The following NEK1 variants were observed in gnomAD, a reference collection of about 807,000 sequenced individuals.
NEK1 encodes NIMA related kinase 1.
A neutral mutation model predicts 182.1 loss-of-function variants in NEK1; 137 were observed. That is an observed-to-expected ratio of 0.75 (90% confidence interval 0.65 to 0.87). The LOEUF (loss-of-function observed/expected upper bound fraction) is 0.87, where lower values mean the gene tolerates loss of function less well. Among genes scored for constraint, NEK1 ranks in the 40% least tolerant of loss-of-function variants. The pLI, the probability that NEK1 is intolerant of heterozygous loss-of-function variation, is 0.00. For missense variants in NEK1, 1,391 were observed against 1,494.4 expected (o/e 0.93, Z 1.14); for synonymous variants, 513 against 492.2 (o/e 1.04, Z -0.56).
At chr4:169,452,464 C>A (rs1741999759) in intron 27 of NEK1, among the ~76,000 whole-genome samples, 1 of 152,182 alleles carries the variant, frequency 6.6e-6, no homozygotes, top group African/African-American at 2.4e-5. Context: ...GCTTATCCAC[C>A]ATGATCAAGT....
chr4:169,446,640 GGAAACTCAAT>G (rs1231984255), intron 27 of NEK1, among the ~76,000 whole-genome samples: 2 of 151,968 alleles, frequency 1.3e-5, no homozygotes, highest in African/African-American at 4.8e-5. Context: ...GCTGTTTTAA[GGAAACTCAAT>G]GAAATTCAAA....
rs371901834 is a variant in NEK1 at position 169,406,683 on chromosome 4, G to C, written c.3287C>G (p.Thr1096Ser). The stretch of plus-strand genomic sequence containing the variant: ...ATTGTCTTGACGAACATCTCCTACG[G>C]TGGGAACATCCATAAGGGTTCTGAA... ...KLFRTLMDVP[T>S]VGDVRQDNLE... Residue 1096 changes from threonine to serine, a missense_variant, in exon 32 of 36, where the codon ACC becomes AGC. By Grantham distance (58) the Thr-to-Ser change is moderately conservative. This residue lies in a region of NEK1 where 1,216 missense variants were observed against 1,277.6 expected (regional missense o/e 0.95). Coordinates refer to ENST00000507142, the MANE Select transcript of NEK1 (RefSeq NM_001199397.3). The C allele has an allele frequency of 2.5e-6, 4 of 1,609,638 alleles. No homozygotes were observed. Among genetic ancestry groups the C allele is most frequent in the Non-Finnish European group, 3.4e-6 (4 of 1,177,540 alleles).
chr4:169,597,942 T>C (rs528667209), intron 5 of NEK1, among the ~76,000 whole-genome samples: 2 of 151,386 alleles, frequency 1.3e-5, no homozygotes, highest in Non-Finnish European at 2.9e-5. Context: ...TCAAAAAAAA[T>C]AATAAAAATA....
In NEK1 at chr4:169,424,622, T is replaced by C; in HGVS notation, c.3153A>G (p.Pro1051=). Residue 1051 remains proline (P), a synonymous_variant, in exon 31 of 36, where the codon CCA becomes CCG. Coordinates refer to ENST00000507142, the MANE Select transcript of NEK1 (RefSeq NM_001199397.3). ...GCAAGGAATTCTTGTTTTTATTTTT[T>C]GGTGGTAAATGCGAGTGAGATCGAA... is the stretch of plus-strand genomic sequence containing the variant. The part of the protein sequence containing the change: ...FAFRSHSHLP[P]KNKNKNSLLI... 6.2e-7 allele frequency: 1 copy of C among 1,613,208 alleles called. No individual in the cohort carries two copies. Among genetic ancestry groups the C allele is most frequent in the Non-Finnish European group, 8.5e-7 (1 of 1,179,346 alleles).
chr4:169,577,032 G>A lies in NEK1; in HGVS notation c.916C>T (p.Gln306Ter), dbSNP rs1274952170. ...GQNSISVMPA[Q>*]KITKPAAKYG... Reference sequence around the variant, plus strand: ...TTAGCGGCAGGCTTTGTAATTTTCTGAGCAGGCATAACAGAAATCGAGTTT... The same window carrying A: ...TTAGCGGCAGGCTTTGTAATTTTCTAAGCAGGCATAACAGAAATCGAGTTT... The change falls in exon 12 of 36, where the codon CAG (glutamine) becomes TAG (stop). Residue 306 changes from glutamine (Q) to a stop codon, truncating the protein, a stop_gained. Transcript: ENST00000507142. LOFTEE classifies it high-confidence loss of function. 3 of 1,613,512 alleles carry A rather than the reference G, an allele frequency of 1.9e-6. No individual in the cohort carries two copies. The highest frequency in any genetic ancestry group is 1.1e-5 in the South Asian group (1 of 91,060).
Position 169,555,580 on chromosome 4 carries a change from G to C in NEK1, c.1562+140C>G, listed in dbSNP as rs1438029261. Reference sequence around the variant, plus strand: ...AATCAAGGGCCAAATTTGCACCTCAGAAAATTATTGTACCCAAGAGGCAAA... The same window carrying C: ...AATCAAGGGCCAAATTTGCACCTCACAAAATTATTGTACCCAAGAGGCAAA... On this transcript the variant is annotated intron_variant, in intron 18 of 35. Transcript: ENST00000507142. 2.7e-6 allele frequency: 3 copies of C among 1,115,406 alleles called. No individual in the cohort carries two copies. The African/African-American group carries it at 4.6e-5, about 17-fold the overall frequency. The allele number at this position is 1,115,406 out of a possible 1,614,324, so 69.1% of individuals were successfully genotyped here. A position where few individuals can be genotyped will look rare whatever the true frequency, so the allele number is the denominator to read the frequency against.
rs77826410 is a variant in NEK1 at position 169,601,874 on chromosome 4, T to A, written c.214+134A>T. On this transcript the variant is annotated intron_variant, in intron 4 of 35. Transcript: ENST00000507142. ...AAAAATGCAGGCATGATATCAGTATTGTCCTTGAATCAAGCTGATATTCAT... is the reference window on the plus strand; with the variant it reads ...AAAAATGCAGGCATGATATCAGTATAGTCCTTGAATCAAGCTGATATTCAT... 22,041 of 654,070 alleles carry A rather than the reference T, an allele frequency of 0.034. 503 individuals are homozygous for A. The highest frequency in any genetic ancestry group is 0.063 in the African/African-American group (3,486 of 55,236). 40.5% of individuals were successfully genotyped at this position (654,070 alleles called of 1,614,324 possible).
chr4:169,426,107 T>A (rs773884666), intron 30 of NEK1, 39 bp downstream of exon 30: 2 of 1,454,086 alleles, frequency 1.4e-6, no homozygotes, highest in South Asian at 2.4e-5. Context: ...ATCATTAACA[T>A]CTTCCAGAAA....
intron 2 of NEK1, among the ~76,000 whole-genome samples, chr4:169,608,630 G>A (rs370130133): frequency 5.9e-5 from 9 of 152,024 alleles, no homozygotes; most frequent in African/African-American, 1.7e-4. Flanking sequence ...TAAAAAACTC[G>A]TACATATTTA....
intron 18 of NEK1, among the ~76,000 whole-genome samples, chr4:169,551,727 T>C (rs574539116): frequency 2.0e-5 from 3 of 152,172 alleles, no homozygotes; most frequent in East Asian, 1.9e-4. Flanking sequence ...TCCTGTTTCC[T>C]AACACTCTCC....
At chr4:169,582,545 A>AT (rs538932616) in intron 10 of NEK1, among the ~76,000 whole-genome samples, 69 of 152,216 alleles carry the variant, frequency 4.5e-4, no homozygotes, top group African/African-American at 1.5e-3. Flanking sequence ...CAACAAATGC[A>AT]TTTTTTTCCT....
intron 20 of NEK1, 31 bp downstream of exon 20, chr4:169,508,738 G>C: frequency 6.7e-7 from 1 of 1,487,564 alleles, no homozygotes; most frequent in Non-Finnish European, 9.0e-7. Flanking sequence ...ATGGCTATGT[G>C]ATGGAGGTAG....
At chr4:169,512,308 C>G (rs1409952658) in intron 19 of NEK1, among the ~76,000 whole-genome samples, 3 of 151,932 alleles carry the variant, frequency 2.0e-5, no homozygotes, top group Admixed American at 6.6e-5. Flanking sequence ...TTATTATAGC[C>G]ATTTTGATAG....
intron 28 of NEK1, among the ~76,000 whole-genome samples, chr4:169,435,396 A>C (rs1738219825): frequency 6.6e-6 from 1 of 152,178 alleles, no homozygotes; most frequent in African/African-American, 2.4e-5. Context: ...GGGGGTAGGG[A>C]GGGGAACAAA....
intron 4 of NEK1, 75 bp from the exon 5 acceptor site, chr4:169,599,272 A>G (rs930430744): frequency 8.9e-7 from 1 of 1,123,718 alleles, no homozygotes; most frequent in African/African-American, 1.6e-5. Context: ...AGTACTTAAA[A>G]GCTTACTAAA....
intron 28 of NEK1, 145 bp from the exon 29 acceptor site, chr4:169,433,810 T>C (rs1737876877): frequency 1.3e-6 from 1 of 750,022 alleles, no homozygotes; most frequent in African/African-American, 1.8e-5. Context: ...CTCTATAGGG[T>C]TTAACTCTTA....
chr4:169,590,929 C>T (rs1768375186), intron 5 of NEK1, 120 bp from the exon 6 acceptor site: 2 of 674,986 alleles, frequency 3.0e-6, no homozygotes, highest in Admixed American at 2.7e-5. Flanking sequence ...TTTCTTTTAA[C>T]TTTGTAGGCA....
chr4:169,509,292 T>A (rs1403582821), intron 19 of NEK1, among the ~76,000 whole-genome samples: 1 of 152,138 alleles, frequency 6.6e-6, no homozygotes. Context: ...ATGGGTTGTA[T>A]ATTAATTAAG....
chr4:169,537,991 T>A, intron 18 of NEK1, 80 bp from the exon 19 acceptor site: 1 of 981,652 alleles, frequency 1.0e-6, no homozygotes, highest in Non-Finnish European at 1.5e-6. Context: ...TATCCTAAAT[T>A]TTTTTTTCAT....
Sources: allele counts gnomAD v4.1 joint callset (sites outside exome capture counted in the v4.1 genomes callset), GRCh38; gene constraint gnomAD v4.1.1; regional missense constraint gnomAD v4.1.1; transcripts MANE v1.5; gene names NCBI Gene and HGNC (gene_info 2026-07-23, HGNC 2026-07-21).